BDH1: variants seen among roughly 807,000 people sequenced by gnomAD.
BDH1 encodes D-beta-hydroxybutyrate dehydrogenase, mitochondrial.
A neutral mutation model predicts 33.1 loss-of-function variants in BDH1; 30 were observed. The observed-to-expected ratio is 0.91, with a 90% CI of 0.68 to 1.23. The LOEUF is 1.23. Among genes scored for constraint, BDH1 ranks in the 50% most tolerant of loss-of-function variants. The pLI, the probability that BDH1 is intolerant of heterozygous loss-of-function variation, is 0.00. For missense variants in BDH1, 443 were observed against 464.4 expected, an observed-to-expected ratio of 0.95 and a Z score of 0.42; for synonymous variants, 190 against 183.6, an observed-to-expected ratio of 1.03 and a Z score of -0.28.
rs777558362 is a variant in BDH1, at chr3:197,522,663, G to C, written c.386C>G (p.Ser129Trp). 1.2e-6 allele frequency: 2 copies of C among 1,614,120 alleles called. No individual in the cohort carries two copies. Among genetic ancestry groups the C allele is most frequent in the Admixed American group, 1.7e-5 (1 of 60,028 alleles). The change falls in exon 6 of 8, where the codon TCG (serine) becomes TGG (tryptophan). Residue 129 changes from serine to tryptophan, a missense_variant. Ser to Trp is a radical substitution (Grantham distance 177, BLOSUM62 -3). Coordinates refer to ENST00000392379, the MANE Select transcript of BDH1 (RefSeq NM_203314.3). This position sits in a 1 kb window ranked among gnomAD's most constrained non-coding sequence, Gnocchi z 4.8. The part of the protein sequence containing the change: ...EVEKVVEIVR[S>W]SLKDPEKGMW... ...ACCTTTCTCAGGGTCCTTCAGGCTC[G>C]AGCGGACAATCTCCACCACTTTCTC...
chr3:197,540,903 C>T (rs750763935), intron 3 of BDH1, among the ~76,000 whole-genome samples: 1 of 152,184 alleles, frequency 6.6e-6, no homozygotes, highest in Admixed American at 6.5e-5. Flanking sequence ...CTGCCCCCCC[C>T]ACAGCAATAC....
intron 1 of BDH1, among the ~76,000 whole-genome samples, chr3:197,562,077 C>A (rs548621731): frequency 8.5e-5 from 13 of 152,166 alleles, no homozygotes; most frequent in Non-Finnish European, 1.8e-4. Flanking sequence ...TATTGCATGA[C>A]CTGACCTCTT....
chr3:197,553,169 C>G (rs572997681), intron 2 of BDH1, among the ~76,000 whole-genome samples: 1 of 151,480 alleles, frequency 6.6e-6, no homozygotes, highest in African/African-American at 2.4e-5. Context: ...CTGCCCACCT[C>G]GGCCTCCCAA....
At chr3:197,542,043 T>C (rs571726593) in intron 3 of BDH1, among the ~76,000 whole-genome samples, 15 of 152,348 alleles carry the variant, frequency 9.8e-5, no homozygotes, top group African/African-American at 2.6e-4. Flanking sequence ...TCACGTGACC[T>C]GCCTCTGGCC....
chr3:197,565,731 A>ACCTTTTGTCATCCACAAAC (rs1717413378), intron 1 of BDH1, among the ~76,000 whole-genome samples: 1 of 152,132 alleles, frequency 6.6e-6, no homozygotes, highest in African/African-American at 2.4e-5. Flanking sequence ...CTGCCTTAAA[A>ACCTTTTGTCATCCACAAAC]CCTTTTGTCA....
At chr3:197,559,787 T>G (rs1235135042), upstream of BDH1, among the ~76,000 whole-genome samples, 4 of 152,260 alleles carry the variant, frequency 2.6e-5, no homozygotes, top group Admixed American at 2.6e-4. Flanking sequence ...GAGTTGGGAC[T>G]GGGTTAAGGG....
chr3:197,513,513 G>GCCCCCGGGAGGGCAC, intron 7 of BDH1, among the ~76,000 whole-genome samples: 1 of 145,482 alleles, frequency 6.9e-6, no homozygotes, highest in African/African-American at 2.6e-5. Context: ...ATCCAGGTGT[G>GCCCCCGGGAGGGCAC]TCCCCGGGAG....
Position 197,509,851 on chromosome 3 carries a change from C to T in BDH1, c.*2044G>A, listed in dbSNP as rs1711727274. ...CGCCCAACATGTAAAAGTGCAATTC[C>T]GAAAGGATCCTGCTAGAACAAGGTC... is the stretch of plus-strand genomic sequence containing the variant. On this transcript the variant is annotated 3_prime_UTR_variant, in exon 8 of 8. Coordinates refer to ENST00000392379, the MANE Select transcript of BDH1 (RefSeq NM_203314.3). The T allele has an allele frequency of 6.6e-6, 1 of 152,388 alleles. No homozygotes were observed. The highest frequency in any genetic ancestry group is 2.1e-4 in the South Asian group (1 of 4,830). The allele number at this position is 152,388 out of a possible 1,614,324, so 9.4% of individuals were successfully genotyped here. A position where few individuals can be genotyped will look rare whatever the true frequency, so the allele number is the denominator to read the frequency against.
intron 2 of BDH1, among the ~76,000 whole-genome samples, chr3:197,548,414 T>A (rs1375873401): frequency 6.6e-6 from 1 of 152,246 alleles, no homozygotes; most frequent in East Asian, 1.9e-4. Context: ...ATAATTAAAG[T>A]CCTTTCCACC....
Position 197,523,862 on chromosome 3 carries a change from C to G in BDH1, c.268-1081G>C, listed in dbSNP as rs1026337309. On this transcript the variant is annotated intron_variant, in intron 5 of 7. Transcript: ENST00000392379. The surrounding 1 kb of genome is among the most constrained non-coding windows in gnomAD (Gnocchi z 4.5). ...GTGGGAAGAGATAAGAGGACGCCACCAGAAGCCATTGGTTGCAGGCAGTGC... is the reference window on the plus strand; with the variant it reads ...GTGGGAAGAGATAAGAGGACGCCACGAGAAGCCATTGGTTGCAGGCAGTGC... Among the ~76,000 whole-genome samples the G allele has an allele frequency of 6.6e-6, 1 of 152,138 alleles. No individual in the cohort carries two copies. The highest frequency in any genetic ancestry group is 1.5e-5 in the Non-Finnish European group (1 of 68,022).
intron 6 of BDH1, chr3:197,515,768 G>A (rs1294473941): frequency 5.1e-6 from 5 of 976,348 alleles, no homozygotes; most frequent in Non-Finnish European, 6.1e-6. Context: ...GCCGGGTGTG[G>A]TGGCGGGCAC....
At chr3:197,561,923 T>C (rs1717273889) in intron 1 of BDH1, among the ~76,000 whole-genome samples, 1 of 152,174 alleles carries the variant, frequency 6.6e-6, no homozygotes, top group Admixed American at 6.5e-5. Flanking sequence ...CAAAAAAATC[T>C]AGAGAAGGCT....
rs748738025 is a variant in BDH1, at chr3:197,522,610, C to T, written c.409+30G>A. The T allele has an allele frequency of 1.9e-6, 3 of 1,612,416 alleles. 1 individual carries two copies. The highest frequency in any genetic ancestry group is 2.5e-6 in the Non-Finnish European group (3 of 1,179,144). ...GTGCCCCTTGGAATGGCCCCATACACAACCCCTGCCGTCCGAAGGGGCGCC... is the reference window on the plus strand; with the variant it reads ...GTGCCCCTTGGAATGGCCCCATACATAACCCCTGCCGTCCGAAGGGGCGCC... On this transcript the variant is annotated intron_variant, in intron 6 of 7. Transcript: ENST00000392379. This position sits in a 1 kb window ranked among gnomAD's most constrained non-coding sequence, Gnocchi z 4.8.
chr3:197,519,964 C>T (rs1196985348), intron 6 of BDH1, among the ~76,000 whole-genome samples: 1 of 152,180 alleles, frequency 6.6e-6, no homozygotes, highest in Non-Finnish European at 1.5e-5. Context: ...GGGCGTCAAA[C>T]TCGCCAACCA....
rs75236142 is a variant in BDH1 at position 197,522,195 on chromosome 3, C to T, written c.409+445G>A. On this transcript the variant is annotated intron_variant, in intron 6 of 7. Transcript: ENST00000392379. The surrounding 1 kb of genome is among the most constrained non-coding windows in gnomAD (Gnocchi z 4.8). ...CCTTAACTGGCCTATTTCCACTGCG[C>T]CCCCATGGCTGGACTGACCCCTCCT... is the stretch of plus-strand genomic sequence containing the variant. 5.3e-5 allele frequency among the ~76,000 whole-genome samples: 8 copies of T among 152,206 alleles called. No individual in the cohort carries two copies. The highest frequency in any genetic ancestry group is 3.3e-4 in the Admixed American group (5 of 15,286).
upstream of BDH1, among the ~76,000 whole-genome samples, chr3:197,559,754 C>T (rs1717200262): frequency 1.3e-5 from 2 of 152,250 alleles, no homozygotes; most frequent in South Asian, 2.1e-4. Flanking sequence ...GCAAGAGACT[C>T]CCAGGAGAAA....
Position 197,532,429 on chromosome 3 carries a change from C to T in BDH1, c.250G>A (p.Ala84Thr), listed in dbSNP as rs1485819576. 7 of 1,613,992 alleles carry T rather than the reference C, an allele frequency of 4.3e-6. No homozygotes were observed. The Admixed American group carries it at 1.2e-4, about 27-fold the overall frequency. ...TCTCTTACCTTCATCAAGCAGCCAG[C>T]AAACACAAGGAAGCCTTTTGAATGC... ...HLHSKGFLVF[A>T]GCLMKDKGHD... The change falls in exon 5 of 8, where the codon GCT (alanine) becomes ACT (threonine). Residue 84 changes from alanine (A) to threonine (T), a missense_variant. Physicochemically the swap from Ala to Thr is moderately conservative, Grantham distance 58. Coordinates refer to ENST00000392379, the MANE Select transcript of BDH1 (RefSeq NM_203314.3).
chr3:197,519,933 G>C (rs1247352246), intron 6 of BDH1, among the ~76,000 whole-genome samples: 1 of 152,144 alleles, frequency 6.6e-6, no homozygotes, highest in Admixed American at 6.5e-5. Context: ...GGCAGCAACT[G>C]TTCCACAGAG....
intron 3 of BDH1, among the ~76,000 whole-genome samples, chr3:197,534,517 T>A (rs1714977785): frequency 6.6e-6 from 1 of 152,238 alleles, no homozygotes; most frequent in Non-Finnish European, 1.5e-5. Context: ...GGGCATATTA[T>A]GAATAAAGCT....
Sources: gnomAD v4.1 joint callset for allele counts (sites outside exome capture counted in the v4.1 genomes callset) on GRCh38, gnomAD v4.1.1 for gene constraint, Gnocchi (gnomAD v3.1) non-coding constraint, MANE v1.5 for transcripts, NCBI Gene and HGNC (gene_info 2026-07-23, HGNC 2026-07-21) for gene names.